MAB21L3: variants seen among roughly 807,000 people sequenced by gnomAD.
The protein encoded by MAB21L3 is mab-21 like 3, also known as protein mab-21-like 3.
Under a neutral mutation model 37.7 loss-of-function variants are expected in MAB21L3, and 36 were observed. The observed-to-expected ratio is 0.96, with a 90% CI of 0.73 to 1.26. The LOEUF is 1.26. Ranked by LOEUF, MAB21L3 falls within the 50% of genes most tolerant of loss-of-function variation. The probability of loss-of-function intolerance (pLI) is 0.00; values close to 1 mark genes in which losing one functional copy is unlikely to be tolerated. For synonymous variants in MAB21L3, 186 were observed against 176.8 expected, an observed-to-expected ratio of 1.05 and a Z score of -0.41; for missense variants, 430 against 447.3, an observed-to-expected ratio of 0.96 and a Z score of 0.35.
chr1:116,121,033 A>G lies in MAB21L3; in HGVS notation c.150A>G (p.Gln50=). ...TNISNQDIRF[Q]AVPYSDTYNE... ...TCAGCAACCAAGACATTAGATTTCA[A>G]GCTGTGCCTTACTCTGACACGTACA... Residue 50 remains glutamine, a synonymous_variant, in exon 4 of 8, where the codon CAA becomes CAG. Transcript: ENST00000369500. 1 of 1,614,158 alleles carries G rather than the reference A, an allele frequency of 6.2e-7. No homozygotes were observed.
intron 6 of MAB21L3, 87 bp from the exon 7 acceptor site, chr1:116,128,058 C>G (rs1194252650): frequency 7.0e-7 from 1 of 1,419,382 alleles, no homozygotes; most frequent in Non-Finnish European, 9.6e-7. Context: ...GACAAGTTCC[C>G]CAGACCAGCA....
At position 116,136,877 on chromosome 1, in the gene MAB21L3, G is replaced by A. The variant is rs1197645360; in HGVS notation, c.*3512G>A. On this transcript the variant is annotated 3_prime_UTR_variant, in exon 8 of 8. Transcript: ENST00000369500. ...CTGAGAAAAACAAGCAATGGGGAAA[G>A]GATTCCCTATTTAATAAATGGTGCT... 7.1e-6 allele frequency among the ~76,000 whole-genome samples: 1 copy of A among 140,430 alleles called. No homozygotes were observed. The highest frequency in any genetic ancestry group is 1.5e-5 in the Non-Finnish European group (1 of 65,064). The allele number at this position is 140,430 out of a possible 152,430, so 92.1% of individuals were successfully genotyped here.
Position 116,121,045 on chromosome 1 carries a change from C to T in MAB21L3, c.162C>T (p.Tyr54=). The T allele has an allele frequency of 6.2e-7, 1 of 1,614,086 alleles. No individual in the cohort carries two copies. Residue 54 remains tyrosine (Y), a synonymous_variant, in exon 4 of 8, where the codon TAC becomes TAT. Transcript: ENST00000369500. ...NQDIRFQAVP[Y]SDTYNENIKV... ...ACATTAGATTTCAAGCTGTGCCTTA[C>T]TCTGACACGTACAATGAAAATATTA...
At position 116,136,779 on chromosome 1, in the gene MAB21L3, A is replaced by C. The variant is rs2101622267; in HGVS notation, c.*3414A>C. Among the ~76,000 whole-genome samples the C allele has an allele frequency of 6.6e-6, 1 of 151,804 alleles. No homozygotes were observed. Among genetic ancestry groups the C allele is most frequent in the South Asian group, 2.1e-4 (1 of 4,808 alleles). On this transcript the variant is annotated 3_prime_UTR_variant, in exon 8 of 8. Coordinates refer to ENST00000369500, the MANE Select transcript of MAB21L3 (RefSeq NM_152367.3). ...ATGGTACTGGTACCAAAACAGGGATATAGATCAATGGAACAGAACAGAGCC... is the reference window on the plus strand; with the variant it reads ...ATGGTACTGGTACCAAAACAGGGATCTAGATCAATGGAACAGAACAGAGCC...
intron 7 of MAB21L3, among the ~76,000 whole-genome samples, chr1:116,129,277 G>A (rs892188138): frequency 3.3e-5 from 5 of 152,192 alleles, no homozygotes; most frequent in African/African-American, 1.2e-4. Context: ...CCACCCTCCC[G>A]ACTCCCTCTT....
At position 116,133,730 on chromosome 1, in the gene MAB21L3, C is replaced by T. The variant is rs1044167015; in HGVS notation, c.*365C>T. The stretch of plus-strand genomic sequence containing the variant: ...GAACCCCTGGAAGTCTGGACATGAG[C>T]CTGCTGGCCAATACTGTGCCCAGCC... On this transcript the variant is annotated 3_prime_UTR_variant, in exon 8 of 8. Coordinates refer to ENST00000369500, the MANE Select transcript of MAB21L3 (RefSeq NM_152367.3). The T allele has an allele frequency of 6.0e-6, 2 of 333,248 alleles. No individual in the cohort carries two copies. Among genetic ancestry groups the T allele is most frequent in the South Asian group, 6.4e-5 (2 of 31,488 alleles). 20.6% of individuals were successfully genotyped at this position (333,248 alleles called of 1,614,324 possible).
At chr1:116,117,470 A>T (rs988652902) in intron 3 of MAB21L3, among the ~76,000 whole-genome samples, 1 of 152,080 alleles carries the variant, frequency 6.6e-6, no homozygotes, top group Non-Finnish European at 1.5e-5. Context: ...TGGAAGATAT[A>T]GCCCACTGCT....
chr1:116,116,551 A>G (rs1194115899), intron 3 of MAB21L3, among the ~76,000 whole-genome samples: 1 of 152,170 alleles, frequency 6.6e-6, no homozygotes, highest in Admixed American at 6.5e-5. Flanking sequence ...GGAAGAGGAT[A>G]AAGGGTAGGC....
chr1:116,135,956 T>C lies in MAB21L3; in HGVS notation c.*2591T>C, dbSNP rs1660190965. On this transcript the variant is annotated 3_prime_UTR_variant, in exon 8 of 8. Coordinates refer to ENST00000369500, the MANE Select transcript of MAB21L3 (RefSeq NM_152367.3). Reference sequence around the variant, plus strand: ...TTCATGCTAAAAACTCTCAATAAATTAGGTATTGATGGGACGTATTTCAAA... The same window carrying C: ...TTCATGCTAAAAACTCTCAATAAATCAGGTATTGATGGGACGTATTTCAAA... 2.0e-5 allele frequency among the ~76,000 whole-genome samples: 3 copies of C among 151,168 alleles called. No individual in the cohort carries two copies. In the South Asian group the frequency reaches 6.3e-4, roughly 32 times the overall value.
chr1:116,114,403 G>T (rs188593133), intron 3 of MAB21L3, among the ~76,000 whole-genome samples: 1 of 152,316 alleles, frequency 6.6e-6, no homozygotes, highest in African/African-American at 2.4e-5. Flanking sequence ...ACTATGTGAT[G>T]TACATATTGC....
rs1659426497 is a variant in MAB21L3 at position 116,111,624 on chromosome 1, T to G, written c.-391-5T>G. The G allele has an allele frequency of 6.7e-6, 1 of 149,978 alleles. No individual in the cohort carries two copies. The highest frequency in any genetic ancestry group is 1.5e-5 in the Non-Finnish European group (1 of 67,772). The allele number at this position is 149,978 out of a possible 1,614,324, so 9.3% of individuals were successfully genotyped here. ...CATTGTGAAATTTTTTTTTTTTTTCTGTAGTAAAACTAGCCCCAGCCAGCC... is the reference window on the plus strand; with the variant it reads ...CATTGTGAAATTTTTTTTTTTTTTCGGTAGTAAAACTAGCCCCAGCCAGCC... On this transcript the variant is annotated splice_polypyrimidine_tract_variant and splice_region_variant and intron_variant, in intron 1 of 7. Coordinates refer to ENST00000369500, the MANE Select transcript of MAB21L3 (RefSeq NM_152367.3).
Position 116,133,491 on chromosome 1 carries a change from C to T in MAB21L3, c.*126C>T, listed in dbSNP as rs1660134336. On this transcript the variant is annotated 3_prime_UTR_variant, in exon 8 of 8. Coordinates refer to ENST00000369500, the MANE Select transcript of MAB21L3 (RefSeq NM_152367.3). ...AGGCCACGAATGGCAGCGGAAATTA[C>T]ATCAAACCAGAAACACTTCAGCAGG... 1.2e-6 allele frequency: 1 copy of T among 819,354 alleles called. No individual in the cohort carries two copies. Among genetic ancestry groups the T allele is most frequent in the Non-Finnish European group, 1.9e-6 (1 of 518,060 alleles). 50.8% of individuals were successfully genotyped at this position (819,354 alleles called of 1,614,324 possible).
In MAB21L3 at chr1:116,131,531, T is replaced by G. The variant is rs144515849; in HGVS notation, c.856-1601T>G. ...TATTTTATTAATTTTTTTTTTGTTTTTGAGACGGAGTCTCGCTTTGTTGCC... is the reference window on the plus strand; with the variant it reads ...TATTTTATTAATTTTTTTTTTGTTTGTGAGACGGAGTCTCGCTTTGTTGCC... On this transcript the variant is annotated intron_variant, in intron 7 of 7. Transcript: ENST00000369500. Among the ~76,000 whole-genome samples, 290 of 152,358 alleles carry G rather than the reference T, an allele frequency of 1.9e-3. 9 individuals carry two copies. In the East Asian group the frequency reaches 0.042, roughly 22 times the overall value.
In MAB21L3 at chr1:116,121,048, T is replaced by C. The variant is rs1434029189; in HGVS notation, c.165T>C (p.Ser55=). 1 of 1,613,942 alleles carries C rather than the reference T, an allele frequency of 6.2e-7. No individual in the cohort carries two copies. Residue 55 remains serine (S), a synonymous_variant, in exon 4 of 8, where the codon TCT becomes TCC. Transcript: ENST00000369500. ...TTAGATTTCAAGCTGTGCCTTACTCTGACACGTACAATGAAAATATTAAGG... is the reference window on the plus strand; with the variant it reads ...TTAGATTTCAAGCTGTGCCTTACTCCGACACGTACAATGAAAATATTAAGG... ...QDIRFQAVPY[S]DTYNENIKVL...
At chr1:116,119,840 C>T (rs1659692263) in intron 3 of MAB21L3, among the ~76,000 whole-genome samples, 1 of 152,168 alleles carries the variant, frequency 6.6e-6, no homozygotes. Flanking sequence ...CTTTAAGTAT[C>T]TGATTAGTGT....
Position 116,127,501 on chromosome 1 carries a change from T to G in MAB21L3, c.517T>G (p.Trp173Gly), listed in dbSNP as rs1320873142. The change falls in exon 6 of 8, where the codon TGG becomes GGG. Residue 173 changes from tryptophan to glycine, a missense_variant. Physicochemically the swap from Trp to Gly is radical, Grantham distance 184. Coordinates refer to ENST00000369500, the MANE Select transcript of MAB21L3 (RefSeq NM_152367.3). ...VSLLGNRSAV[W>G]VAVETSAYQV... ...CCTGCTAGGAAACCGCTCTGCAGTT[T>G]GGGTTGCTGTGGAAACATCTGCATA... 6.2e-7 allele frequency: 1 copy of G among 1,614,198 alleles called. No individual in the cohort carries two copies. Among genetic ancestry groups the G allele is most frequent in the East Asian group, 2.2e-5 (1 of 44,882 alleles).
At chr1:116,116,940 C>T (rs769578540) in intron 3 of MAB21L3, among the ~76,000 whole-genome samples, 6 of 152,104 alleles carry the variant, frequency 3.9e-5, no homozygotes, top group Admixed American at 1.3e-4. Context: ...TCTTGTCCTG[C>T]TCGGTAAGAA....
Position 116,127,557 on chromosome 1 carries a change from G to T in MAB21L3, c.573G>T (p.Val191=). The T allele has an allele frequency of 6.2e-7, 1 of 1,614,160 alleles. No individual in the cohort carries two copies. The highest frequency in any genetic ancestry group is 8.5e-7 in the Non-Finnish European group (1 of 1,180,030). ...TGGAACTGGAGCTGGTCCCCGCAGTGGAGATCCCCACCACCTGGTCCAAGA... is the reference window on the plus strand; with the variant it reads ...TGGAACTGGAGCTGGTCCCCGCAGTTGAGATCCCCACCACCTGGTCCAAGA... The part of the protein sequence containing the change: ...YQVELELVPA[V]EIPTTWSKKA... The change falls in exon 6 of 8, where the codon GTG becomes GTT. Residue 191 remains valine, a synonymous_variant. Coordinates refer to ENST00000369500, the MANE Select transcript of MAB21L3 (RefSeq NM_152367.3).
rs1271369409 is a variant in MAB21L3, at chr1:116,133,475, A to G, written c.*110A>G. 4.3e-6 allele frequency: 4 copies of G among 926,606 alleles called. No homozygotes were observed. Among genetic ancestry groups the G allele is most frequent in the Admixed American group, 4.9e-5 (2 of 41,158 alleles). The allele number at this position is 926,606 out of a possible 1,614,324, so 57.4% of individuals were successfully genotyped here. ...ATCCTGCCTAGGAGAAAGGCCACGA[A>G]TGGCAGCGGAAATTACATCAAACCA... On this transcript the variant is annotated 3_prime_UTR_variant, in exon 8 of 8. Coordinates refer to ENST00000369500, the MANE Select transcript of MAB21L3 (RefSeq NM_152367.3).
Sources: gnomAD v4.1 joint callset for allele counts (sites outside exome capture counted in the v4.1 genomes callset) on GRCh38, gnomAD v4.1.1 for gene constraint, MANE v1.5 for transcripts, NCBI Gene and HGNC (gene_info 2026-07-23, HGNC 2026-07-21) for gene names.